NSDHL: variants seen among roughly 807,000 people sequenced by gnomAD.
NSDHL encodes the protein NAD(P) dependent 3-beta-hydroxysteroid dehydrogenase NSDHL, also known as sterol-4-alpha-carboxylate 3-dehydrogenase, decarboxylating.
A neutral mutation model predicts 23.0 loss-of-function variants in NSDHL; 1 was observed. The observed-to-expected ratio is 0.04, with a 90% CI of 0.02 to 0.21. The LOEUF is 0.21. Among genes scored for constraint, NSDHL ranks in the 10% least tolerant of loss-of-function variants. The pLI, the probability that NSDHL is intolerant of heterozygous loss-of-function variation, is 1.00. For synonymous variants in NSDHL, 128 were observed against 121.1 expected (o/e 1.06, Z -0.37); for missense variants, 237 against 300.9 (o/e 0.79, Z 1.57).
At chrX:152,847,361 G>A (rs181258997) in intron 2 of NSDHL, among the ~76,000 whole-genome samples, 3 of 111,888 alleles carry the variant, frequency 2.7e-5, no homozygotes, top group African/African-American at 6.5e-5. Context: ...GACAAAATGT[G>A]TTTATATCAA....
Position 152,869,495 on chromosome X carries a change from A to G in NSDHL, c.*379A>G. 2 of 261,659 alleles carry G rather than the reference A, an allele frequency of 7.6e-6. No individual in the cohort carries two copies. Among genetic ancestry groups the G allele is most frequent in the South Asian group, 9.0e-5 (2 of 22,203 alleles). 21.6% of individuals were successfully genotyped at this position (261,659 alleles called of 1,213,427 possible). On this transcript the variant is annotated 3_prime_UTR_variant, in exon 8 of 8. Transcript: ENST00000370274. The stretch of plus-strand genomic sequence containing the variant: ...CATTTGTTAGTTCTGATGGAGAACC[A>G]TTTCCATGCAGACCAATACTAGAGT...
chrX:152,840,244 G>A (rs1024291068), intron 1 of NSDHL, among the ~76,000 whole-genome samples: 1 of 112,095 alleles, frequency 8.9e-6, no homozygotes, highest in Non-Finnish European at 1.9e-5. Flanking sequence ...CGATGGGTTA[G>A]AACATGTTCC....
At chrX:152,849,060 G>A (rs1933317680) in intron 2 of NSDHL, among the ~76,000 whole-genome samples, 1 of 111,968 alleles carries the variant, frequency 8.9e-6, no homozygotes, top group African/African-American at 3.3e-5. Flanking sequence ...GTAAAGTACA[G>A]TGCCAGCTCC....
rs782730867 is a variant in NSDHL, at chrX:152,850,285, C to T, written c.129C>T (p.Ile43=). 3.3e-6 allele frequency: 4 copies of T among 1,209,694 alleles called. No homozygotes were observed. Among genetic ancestry groups the T allele is most frequent in the African/African-American group, 3.5e-5 (2 of 57,173 alleles). ...CACAGGCCAAGAGATGCACAGTGAT[C>T]GGTGGCTCTGGATTCCTGGGGCAGC... ...NQNQAKRCTV[I]GGSGFLGQHM... is the part of the protein sequence containing the mutation. Residue 43 remains isoleucine, a synonymous_variant, in exon 3 of 8, where the codon ATC becomes ATT. Transcript: ENST00000370274.
At chrX:152,846,150 C>T (rs1238781839) in intron 1 of NSDHL, 132 bp from the exon 2 acceptor site, 8 of 485,884 alleles carry the variant, frequency 1.6e-5, no homozygotes, top group Admixed American at 1.2e-4. Flanking sequence ...AGTGTCTTGT[C>T]GAACAGCTGT....
rs188140306 is a variant in NSDHL at position 152,865,728 on chromosome X, C to A, written c.544-91C>A. On this transcript the variant is annotated intron_variant, in intron 5 of 7. Transcript: ENST00000370274. ...CAGAGTGTGTCATCTGTCTGTCCCCCACGAGTGGTGCTTCTCACCCAGCGA... is the reference window on the plus strand; with the variant it reads ...CAGAGTGTGTCATCTGTCTGTCCCCAACGAGTGGTGCTTCTCACCCAGCGA... 1.5e-5 allele frequency: 16 copies of A among 1,080,604 alleles called. No individual in the cohort carries two copies. The South Asian group carries it at 2.2e-4, about 15-fold the overall frequency. The allele number at this position is 1,080,604 out of a possible 1,213,427, so 89.1% of individuals were successfully genotyped here.
At chrX:152,833,591 C>T (rs1445324715) in intron 1 of NSDHL, among the ~76,000 whole-genome samples, 1 of 112,369 alleles carries the variant, frequency 8.9e-6, no homozygotes, top group African/African-American at 3.2e-5. Context: ...AACATGCTGG[C>T]TCTGTGCCAT....
intron 1 of NSDHL, among the ~76,000 whole-genome samples, chrX:152,834,520 T>A (rs1379022219): frequency 8.9e-6 from 1 of 112,965 alleles, no homozygotes; most frequent in African/African-American, 3.2e-5. Flanking sequence ...GCCTCACTAA[T>A]CCTAATCTGG....
chrX:152,851,878 C>CTTGGCCTCCTCTCACCCAATGATG (rs1168741575), intron 3 of NSDHL, among the ~76,000 whole-genome samples: 2 of 111,226 alleles, frequency 1.8e-5, no homozygotes, highest in Non-Finnish European at 3.8e-5. Flanking sequence ...CTCTCTCATC[C>CTTGGCCTCCTCTCACCCAATGATG]TTGGCCTCCT....
intron 1 of NSDHL, among the ~76,000 whole-genome samples, chrX:152,832,269 A>G (rs2042834242): frequency 9.0e-6 from 1 of 111,442 alleles, no homozygotes; most frequent in Non-Finnish European, 1.9e-5. Context: ...TTTTTCCAAC[A>G]GTTCTTATCC....
chrX:152,834,111 G>C (rs141102009), intron 1 of NSDHL, among the ~76,000 whole-genome samples: 1,187 of 112,072 alleles, frequency 0.011, 17 homozygotes, highest in African/African-American at 0.036. Context: ...CCAGGGGCTC[G>C]TGGTGTCCTA....
intron 3 of NSDHL, among the ~76,000 whole-genome samples, chrX:152,854,680 G>A (rs1933412526): frequency 9.1e-6 from 1 of 110,052 alleles, no homozygotes; most frequent in South Asian, 4.0e-4. Flanking sequence ...AAAGTGCTGG[G>A]ATTACAGGTG....
chrX:152,846,203 G>GCA (rs1414376942), intron 1 of NSDHL, 79 bp from the exon 2 acceptor site: 7 of 565,906 alleles, frequency 1.2e-5, no homozygotes, highest in African/African-American at 1.1e-4. Flanking sequence ...CGGGGGGATG[G>GCA]CATCTGCCCA....
intron 1 of NSDHL, among the ~76,000 whole-genome samples, chrX:152,839,235 G>A (rs1028485229): frequency 3.6e-5 from 4 of 112,023 alleles, no homozygotes; most frequent in Non-Finnish European, 5.6e-5. Context: ...ACACTGATGG[G>A]TCTTGACTCT....
chrX:152,833,567 G>T (rs941185668), intron 1 of NSDHL, among the ~76,000 whole-genome samples: 40 of 112,160 alleles, frequency 3.6e-4, no homozygotes, highest in African/African-American at 1.1e-3. Context: ...GACACAGCTT[G>T]TCACTGTTAT....
chrX:152,866,227 C>T (rs1321575742), intron 6 of NSDHL, among the ~76,000 whole-genome samples: 1 of 112,269 alleles, frequency 8.9e-6, no homozygotes, highest in Non-Finnish European at 1.9e-5. Context: ...CATGTCCTCA[C>T]ATGGTGGAAG....
intron 3 of NSDHL, among the ~76,000 whole-genome samples, chrX:152,857,236 C>G (rs1380570599): frequency 1.8e-5 from 2 of 112,295 alleles, no homozygotes; most frequent in Non-Finnish European, 3.8e-5. Flanking sequence ...CAAGGACTAT[C>G]AATAAATGCT....
intron 7 of NSDHL, among the ~76,000 whole-genome samples, 185 bp downstream of exon 7, chrX:152,867,858 G>C (rs1423664701): frequency 1.8e-5 from 2 of 111,655 alleles, no homozygotes; most frequent in East Asian, 5.7e-4. Flanking sequence ...CACATCACTT[G>C]GGCAGCCAAA....
In NSDHL at chrX:152,868,892, G is replaced by T. The variant is rs1933657012; in HGVS notation, c.898G>T (p.Ala300Ser). The T allele has an allele frequency of 1.7e-6, 2 of 1,209,983 alleles. No homozygotes were observed. Among genetic ancestry groups the T allele is most frequent in the African/African-American group, 3.5e-5 (2 of 57,240 alleles). Residue 300 changes from alanine to serine, a missense_variant, in exon 8 of 8, where the codon GCC becomes TCC. By Grantham distance (99) the Ala-to-Ser change is moderately conservative (BLOSUM62 1). Transcript: ENST00000370274. ...CAAGTACCACATCCCCTACTGGGTG[G>T]CCTACTACCTGGCCCTCCTGCTATC... The part of the protein sequence containing the change: ...APKYHIPYWV[A>S]YYLALLLSLL...
Sources: allele counts gnomAD v4.1 joint callset (sites outside exome capture counted in the v4.1 genomes callset), GRCh38; gene constraint gnomAD v4.1.1; transcripts MANE v1.5; gene names NCBI Gene and HGNC (gene_info 2026-07-23, HGNC 2026-07-21).